PGCKA1: variants seen among roughly 807,000 people sequenced by gnomAD.
PGCKA1 encodes the protein PDCD10 and GCKIII kinases-associated protein 1.
the PGCKA1 span, among the ~76,000 whole-genome samples, chr4:37,533,922 CA>C: frequency 4.3e-4 from 66 of 152,240 alleles, no homozygotes; most frequent in African/African-American, 1.4e-3. Flanking sequence ...TTTTGGGATT[CA>C]AAATATGCCA....
the PGCKA1 span, among the ~76,000 whole-genome samples, chr4:37,553,365 TGA>T: frequency 3.0e-4 from 41 of 137,350 alleles, no homozygotes; most frequent in Middle Eastern, 3.8e-3. Context: ...TTCTTGGAGC[TGA>T]TAAACTTCTT....
the PGCKA1 span, among the ~76,000 whole-genome samples, chr4:37,587,736 A>G: frequency 6.6e-6 from 1 of 152,232 alleles, no homozygotes; most frequent in African/African-American, 2.4e-5. Context: ...TGAGAGGCCA[A>G]GGCAGGCAGA....
chr4:37,502,352 G>T, the PGCKA1 span, among the ~76,000 whole-genome samples: 1 of 152,228 alleles, frequency 6.6e-6, no homozygotes, highest in African/African-American at 2.4e-5. Context: ...AGGCCCCCCA[G>T]TTGGCAACTG....
chr4:37,532,980 G>T, the PGCKA1 span, among the ~76,000 whole-genome samples: 15 of 149,880 alleles, frequency 1.0e-4, no homozygotes, highest in South Asian at 3.4e-3. Context: ...TGGGAGGGGG[G>T]CGAGGGATAA....
chr4:37,519,314 TG>T, the PGCKA1 span, among the ~76,000 whole-genome samples: 1 of 152,150 alleles, frequency 6.6e-6, no homozygotes, highest in Non-Finnish European at 1.5e-5. Flanking sequence ...AGAATGTCAT[TG>T]GTATTTCGAT....
the PGCKA1 span, among the ~76,000 whole-genome samples, chr4:37,564,748 C>A: frequency 6.6e-6 from 1 of 152,106 alleles, no homozygotes; most frequent in African/African-American, 2.4e-5. Flanking sequence ...CTCAGGTGAT[C>A]CACCTGCCTC....
At chr4:37,566,097 T>G in the PGCKA1 span, among the ~76,000 whole-genome samples, 2 of 152,128 alleles carry the variant, frequency 1.3e-5, no homozygotes, top group African/African-American at 4.8e-5. Context: ...AGTTAACACT[T>G]AATATTACCT....
chr4:37,535,915 TA>T, the PGCKA1 span, among the ~76,000 whole-genome samples: 13 of 152,212 alleles, frequency 8.5e-5, no homozygotes, highest in Non-Finnish European at 1.6e-4. Flanking sequence ...GCAAGTTCCT[TA>T]ACCTGTTTAA....
the PGCKA1 span, among the ~76,000 whole-genome samples, chr4:37,520,046 G>A: frequency 2.0e-5 from 3 of 152,104 alleles, no homozygotes; most frequent in East Asian, 5.8e-4. Flanking sequence ...TCATTCTGTT[G>A]ATGTGATGTA....
chr4:37,488,078 A>C, the PGCKA1 span, among the ~76,000 whole-genome samples: 2 of 152,182 alleles, frequency 1.3e-5, no homozygotes, highest in African/African-American at 2.4e-5. Flanking sequence ...TAGGTCATAG[A>C]GTTGTTCCAT....
the PGCKA1 span, among the ~76,000 whole-genome samples, chr4:37,482,638 A>T: frequency 1.3e-5 from 2 of 152,200 alleles, no homozygotes; most frequent in African/African-American, 4.8e-5. Context: ...ATAAATAATA[A>T]GGAGCCAAAT....
At chr4:37,477,039 T>C in the PGCKA1 span, among the ~76,000 whole-genome samples, 2 of 152,048 alleles carry the variant, frequency 1.3e-5, no homozygotes, top group African/African-American at 4.8e-5. Flanking sequence ...TCAATTCTCC[T>C]AGGTAAATAT....
the PGCKA1 span, among the ~76,000 whole-genome samples, chr4:37,480,898 G>C: frequency 1.3e-5 from 2 of 152,226 alleles, no homozygotes; most frequent in African/African-American, 4.8e-5. Flanking sequence ...GTGAACTTTA[G>C]AATAAGAGGC....
At chr4:37,458,186 A>G in the PGCKA1 span, among the ~76,000 whole-genome samples, 2 of 152,182 alleles carry the variant, frequency 1.3e-5, no homozygotes, top group African/African-American at 2.4e-5. Context: ...ACAGCTGCCC[A>G]TTGGAAAAAC....
At chr4:37,488,768 G>A in the PGCKA1 span, among the ~76,000 whole-genome samples, 4 of 151,968 alleles carry the variant, frequency 2.6e-5, no homozygotes, top group Non-Finnish European at 4.4e-5. Context: ...TTATCTCCCC[G>A]CTTTCCTCCG....
the PGCKA1 span, among the ~76,000 whole-genome samples, chr4:37,493,737 C>G: frequency 6.6e-6 from 1 of 152,170 alleles, no homozygotes; most frequent in African/African-American, 2.4e-5. Context: ...CCCCACTACC[C>G]TTCTCAGCCT....
chr4:37,517,256 A>AAT, the PGCKA1 span, among the ~76,000 whole-genome samples: 8 of 146,252 alleles, frequency 5.5e-5, no homozygotes, highest in Non-Finnish European at 1.2e-4. Context: ...CATCTCAAAA[A>AAT]ATATATATAT....
At chr4:37,566,547 C>G in the PGCKA1 span, among the ~76,000 whole-genome samples, 1 of 152,172 alleles carries the variant, frequency 6.6e-6, no homozygotes, top group Non-Finnish European at 1.5e-5. Flanking sequence ...TCCCAAAGTG[C>G]TGGGCTTATA....
the PGCKA1 span, among the ~76,000 whole-genome samples, chr4:37,509,611 C>T: frequency 1.5e-4 from 22 of 151,638 alleles, no homozygotes; most frequent in Non-Finnish European, 2.8e-4. Flanking sequence ...CCAAAGCAGG[C>T]GGCTGGGAGG....
Sources: allele counts gnomAD v4.1 joint callset (sites outside exome capture counted in the v4.1 genomes callset), GRCh38; gene constraint gnomAD v4.1.1; transcripts MANE v1.5; gene names NCBI Gene and HGNC (gene_info 2026-07-23, HGNC 2026-07-21).